KCNIP4: variants seen among roughly 807,000 people sequenced by gnomAD.
KCNIP4 encodes potassium voltage-gated channel interacting protein 4.
KCNIP4 carries 12 observed loss-of-function variants against 34.0 expected under a neutral mutation model. The ratio of observed to expected loss-of-function variants is 0.35; its 90% CI spans 0.23 to 0.57. KCNIP4 has a LOEUF of 0.57. KCNIP4 is among the 20% of genes least tolerant of loss of function. The pLI, the probability that KCNIP4 is intolerant of heterozygous loss-of-function variation, is 0.83. For missense variants in KCNIP4, 238 were observed against 311.7 expected (o/e 0.76, Z 1.78); for synonymous variants, 124 against 102.2 (o/e 1.21, Z -1.29).
intron 1 of KCNIP4, among the ~76,000 whole-genome samples, chr4:21,890,319 C>T (rs1228961597): frequency 6.6e-6 from 1 of 152,042 alleles, no homozygotes; most frequent in Non-Finnish European, 1.5e-5. Flanking sequence ...TGACCACATC[C>T]CCAGCATAAT....
At chr4:20,748,220 G>A (rs980687437) in intron 5 of KCNIP4, among the ~76,000 whole-genome samples, 2 of 151,902 alleles carry the variant, frequency 1.3e-5, no homozygotes, top group Non-Finnish European at 2.9e-5. Context: ...CCCAACCTTC[G>A]CTCTTGGCTC....
At chr4:21,092,406 G>T (rs1241658120) in intron 1 of KCNIP4, among the ~76,000 whole-genome samples, 1 of 152,084 alleles carries the variant, frequency 6.6e-6, no homozygotes, top group African/African-American at 2.4e-5. Context: ...GCCATTTTTA[G>T]ATTACAGATA....
intron 1 of KCNIP4, among the ~76,000 whole-genome samples, chr4:21,572,917 C>A (rs1740471041): frequency 6.6e-6 from 1 of 152,072 alleles, no homozygotes; most frequent in East Asian, 1.9e-4. Context: ...GTGAGCCATT[C>A]CACCTGGTCT....
Position 21,895,459 on chromosome 4 carries a change from C to T in KCNIP4, c.61+53112G>A, listed in dbSNP as rs143651201. The stretch of plus-strand genomic sequence containing the variant: ...AAGAGTTACGCTATCTACATTCAAA[C>T]GTCAGCTCTACCACTTATTAGCTGT... On this transcript the variant is annotated intron_variant, in intron 1 of 8. Coordinates refer to ENST00000382152, the MANE Select transcript of KCNIP4 (RefSeq NM_025221.6). Among the ~76,000 whole-genome samples the T allele has an allele frequency of 9.9e-3, 1,507 of 152,238 alleles. 32 individuals carry two copies. The highest frequency in any genetic ancestry group is 0.034 in the African/African-American group (1,432 of 41,544).
chr4:20,765,131 A>G (rs1755286325), intron 3 of KCNIP4, among the ~76,000 whole-genome samples: 1 of 152,166 alleles, frequency 6.6e-6, no homozygotes, highest in South Asian at 2.1e-4. Context: ...GCCTTTTACT[A>G]TTCTGGGCAC....
At chr4:21,870,309 C>T (rs748691307) in intron 1 of KCNIP4, among the ~76,000 whole-genome samples, 8 of 152,116 alleles carry the variant, frequency 5.3e-5, no homozygotes, top group South Asian at 4.2e-4. Flanking sequence ...AATCTCCAGC[C>T]GATCAGCACT....
intron 1 of KCNIP4, among the ~76,000 whole-genome samples, chr4:21,752,663 T>A (rs114374976): frequency 6.6e-6 from 1 of 152,200 alleles, no homozygotes; most frequent in Non-Finnish European, 1.5e-5. Flanking sequence ...GTCAGAGGGT[T>A]GGGACTGATA....
intron 1 of KCNIP4, among the ~76,000 whole-genome samples, chr4:21,244,186 G>C (rs1027398132): frequency 6.6e-6 from 1 of 152,126 alleles, no homozygotes; most frequent in African/African-American, 2.4e-5. Flanking sequence ...GTGAAATTTT[G>C]ATACCTGTAT....
intron 1 of KCNIP4, among the ~76,000 whole-genome samples, chr4:21,408,421 G>C (rs1724193206): frequency 6.6e-6 from 1 of 152,130 alleles, no homozygotes; most frequent in Non-Finnish European, 1.5e-5. Context: ...GCACAGAGGA[G>C]AAAGAGAAGC....
intron 1 of KCNIP4, among the ~76,000 whole-genome samples, chr4:21,348,216 T>C (rs1717655989): frequency 6.6e-6 from 1 of 152,210 alleles, no homozygotes; most frequent in African/African-American, 2.4e-5. Flanking sequence ...TTCCAGATGC[T>C]GTGGTCATAA....
chr4:20,760,537 T>C (rs907690229), intron 3 of KCNIP4, among the ~76,000 whole-genome samples: 14 of 152,200 alleles, frequency 9.2e-5, no homozygotes, highest in African/African-American at 3.4e-4. Flanking sequence ...GTAGGACCTT[T>C]GATACATAAA....
intron 1 of KCNIP4, among the ~76,000 whole-genome samples, chr4:21,104,514 A>G (rs370389169): frequency 2.6e-5 from 4 of 152,024 alleles, no homozygotes; most frequent in Non-Finnish European, 5.9e-5. Context: ...AGATGAGTAG[A>G]TTGCAAAAAT....
chr4:21,768,675 T>A (rs1311761285), intron 1 of KCNIP4, among the ~76,000 whole-genome samples: 4 of 152,246 alleles, frequency 2.6e-5, no homozygotes, highest in Admixed American at 2.6e-4. Context: ...TTAAGAAAGT[T>A]TCCTTCACAT....
At chr4:21,300,744 T>A (rs1711577063) in intron 1 of KCNIP4, among the ~76,000 whole-genome samples, 1 of 152,138 alleles carries the variant, frequency 6.6e-6, no homozygotes. Context: ...GAAGGAAAGA[T>A]TAGTCTAACC....
chr4:21,050,808 G>A (rs1742861712), intron 1 of KCNIP4, among the ~76,000 whole-genome samples: 1 of 152,180 alleles, frequency 6.6e-6, no homozygotes. Context: ...CGAGTAGTTG[G>A]AGATCAGAAG....
intron 1 of KCNIP4, among the ~76,000 whole-genome samples, chr4:21,211,619 A>T (rs762316782): frequency 2.6e-5 from 4 of 152,082 alleles, no homozygotes; most frequent in Non-Finnish European, 5.9e-5. Flanking sequence ...TGCCAAAAAG[A>T]TTGGGAACTG....
At position 20,935,129 on chromosome 4, in the gene KCNIP4, CT is replaced by C. The variant is rs772782456; in HGVS notation, c.62-52421del. Among the ~76,000 whole-genome samples, 39 of 152,302 alleles carry C rather than the reference CT, an allele frequency of 2.6e-4. 1 individual carries two copies. Among genetic ancestry groups the C allele is most frequent in the Middle Eastern group, 6.8e-3 (2 of 294 alleles). On this transcript the variant is annotated intron_variant, in intron 1 of 8. Coordinates refer to ENST00000382152, the MANE Select transcript of KCNIP4 (RefSeq NM_025221.6). ...CAAATCCAATATGACTTCATCTTAA[CT>C]TGATTGCACCTAAAGAGACTCTATT...
chr4:21,203,535 T>C (rs913641594), intron 1 of KCNIP4, among the ~76,000 whole-genome samples: 1 of 152,226 alleles, frequency 6.6e-6, no homozygotes, highest in Non-Finnish European at 1.5e-5. Context: ...TGATTTCTTT[T>C]CTGACTGGGT....
chr4:21,610,110 T>C (rs1744030493), intron 1 of KCNIP4, among the ~76,000 whole-genome samples: 1 of 152,394 alleles, frequency 6.6e-6, no homozygotes, highest in South Asian at 2.1e-4. Context: ...TACTTTTCAG[T>C]GGCAGGTTAT....
Sources: gnomAD v4.1 joint callset for allele counts (sites outside exome capture counted in the v4.1 genomes callset) on GRCh38, gnomAD v4.1.1 for gene constraint, MANE v1.5 for transcripts, NCBI Gene and HGNC (gene_info 2026-07-23, HGNC 2026-07-21) for gene names.